Variants in AK2 observed in about 807,000 individuals in gnomAD.
AK2 encodes the protein adenylate kinase 2.
In AK2, 15 loss-of-function variants were observed where a neutral mutation model predicts 24.6. That is an observed-to-expected ratio of 0.61 (90% CI 0.41 to 0.94). The LOEUF (loss-of-function observed/expected upper bound fraction) is 0.94, where lower values mean the gene tolerates loss of function less well. AK2 is among the 40% of genes least tolerant of loss of function. AK2 has a pLI of 0.00. For missense variants in AK2, 257 were observed against 304.1 expected, an observed-to-expected ratio of 0.85 and a Z score of 1.15; for synonymous variants, 102 against 114.0, an observed-to-expected ratio of 0.90 and a Z score of 0.67.
intron 4 of AK2, among the ~76,000 whole-genome samples, chr1:33,018,426 A>C (rs1639328086): frequency 6.6e-6 from 1 of 152,114 alleles, no homozygotes; most frequent in African/African-American, 2.4e-5. Flanking sequence ...CAAAAACAAC[A>C]ACAATGACAA....
intron 1 of AK2, 46 bp from the exon 2 acceptor site, chr1:33,024,613 T>C: frequency 6.2e-7 from 1 of 1,613,212 alleles, no homozygotes; most frequent in Non-Finnish European, 8.5e-7. Context: ...CATTACAGGC[T>C]GTGGAGTCAG....
Position 33,013,273 on chromosome 1 carries a change from T to C in AK2, c.628A>G (p.Ile210Val), listed in dbSNP as rs779671947. 6.2e-6 allele frequency: 10 copies of C among 1,614,066 alleles called. No individual in the cohort carries two copies. The highest frequency in any genetic ancestry group is 1.3e-5 in the African/African-American group (1 of 74,926). Reference sequence around the variant, plus strand: ...ACATCGGGGGTCTGGGATGCATCGATGGCGGAGTGGATCCCCCGTTTCCTG... The same window carrying C: ...ACATCGGGGGTCTGGGATGCATCGACGGCGGAGTGGATCCCCCGTTTCCTG... ...YYRKRGIHSAIDASQTPDVVF... is the reference protein window; with the variant it reads ...YYRKRGIHSAVDASQTPDVVF... Residue 210 changes from isoleucine to valine, a missense_variant, in exon 6 of 6, where the codon ATC becomes GTC. By Grantham distance (29) the Ile-to-Val change is conservative. Transcript: ENST00000672715.
At chr1:33,015,992 G>T (rs1456504654) in intron 4 of AK2, among the ~76,000 whole-genome samples, 1 of 152,038 alleles carries the variant, frequency 6.6e-6, no homozygotes, top group Non-Finnish European at 1.5e-5. Context: ...CATATTTTGG[G>T]GGGACAAGAT....
At chr1:33,024,014 C>T (rs10914645) in intron 2 of AK2, 76,815 of 240,128 alleles carry the variant, frequency 0.32, 13,002 homozygotes, top group African/African-American at 0.43. Flanking sequence ...CTACTAAAAA[C>T]ATAAAAATTA....
At chr1:33,015,690 A>C (rs908292286) in intron 4 of AK2, among the ~76,000 whole-genome samples, 1 of 152,174 alleles carries the variant, frequency 6.6e-6, no homozygotes, top group Non-Finnish European at 1.5e-5. Context: ...CAGGAGTTCG[A>C]GACCAGCCTG....
At chr1:33,020,096 G>A in intron 4 of AK2, 1 of 1,535,212 alleles carries the variant, frequency 6.5e-7, no homozygotes, top group Non-Finnish European at 8.7e-7. Context: ...GACAACTGTA[G>A]GCTAAAGCAG....
intron 4 of AK2, among the ~76,000 whole-genome samples, chr1:33,014,834 TA>T (rs1489713350): frequency 1.3e-5 from 2 of 152,226 alleles, no homozygotes; most frequent in Non-Finnish European, 2.9e-5. Context: ...ACTGCTGGCA[TA>T]ACTACCTAAT....
intron 1 of AK2, 121 bp downstream of exon 1, chr1:33,036,615 G>C: frequency 2.2e-6 from 2 of 914,428 alleles, no homozygotes; most frequent in Non-Finnish European, 3.5e-6. Flanking sequence ...ACCCCGGCCA[G>C]CGTTCCCCGC....
At chr1:33,029,788 C>T (rs570409473) in intron 1 of AK2, among the ~76,000 whole-genome samples, 1 of 152,318 alleles carries the variant, frequency 6.6e-6, no homozygotes, top group East Asian at 1.9e-4. Flanking sequence ...AAGCAATCCT[C>T]CCACCACAGC....
At chr1:33,035,532 T>A (rs1640525154) in intron 1 of AK2, among the ~76,000 whole-genome samples, 1 of 152,176 alleles carries the variant, frequency 6.6e-6, no homozygotes, top group East Asian at 1.9e-4. Flanking sequence ...CAGACTTCCC[T>A]CTTTGAAGCC....
At chr1:33,021,295 T>C in intron 4 of AK2, 72 bp downstream of exon 4, 1 of 1,332,126 alleles carries the variant, frequency 7.5e-7, no homozygotes, top group Non-Finnish European at 1.1e-6. Context: ...TGGCCGGGAT[T>C]AGGCAAGAGC....
Position 33,011,925 on chromosome 1 carries a change from A to G in AK2, c.*1256T>C, listed in dbSNP as rs1451027837. 2 of 1,533,462 alleles carry G rather than the reference A, an allele frequency of 1.3e-6. No homozygotes were observed. The highest frequency in any genetic ancestry group is 1.2e-5 in the South Asian group (1 of 83,214). The allele number at this position is 1,533,462 out of a possible 1,614,324, so 95.0% of individuals were successfully genotyped here. On this transcript the variant is annotated 3_prime_UTR_variant, in exon 6 of 6. Transcript: ENST00000672715. ...GAAAGGAGAGGGTTTGGGCTTAAAA[A>G]GAACATATCTGATTTCAGTTTTATG...
Position 33,012,403 on chromosome 1 carries a change from G to A in AK2, c.*778C>T. On this transcript the variant is annotated 3_prime_UTR_variant, in exon 6 of 6. Coordinates refer to ENST00000672715, the MANE Select transcript of AK2 (RefSeq NM_001625.4). ...TGACTCACGTGGGTTTTCATCATGG[G>A]TTAGAAAACAAAATGGAATTCTCTG... The A allele has an allele frequency of 6.7e-7, 1 of 1,502,264 alleles. No homozygotes were observed. The highest frequency in any genetic ancestry group is 1.2e-5 in the South Asian group (1 of 82,830). The allele number at this position is 1,502,264 out of a possible 1,614,324, so 93.1% of individuals were successfully genotyped here.
At chr1:33,026,237 C>T (rs1474589680) in intron 1 of AK2, among the ~76,000 whole-genome samples, 1 of 152,096 alleles carries the variant, frequency 6.6e-6, no homozygotes, top group Non-Finnish European at 1.5e-5. Context: ...CTCACTCTAT[C>T]ACCCAGGCTG....
At chr1:33,019,645 CAT>C (rs778534372) in intron 4 of AK2, 41 of 999,554 alleles carry the variant, frequency 4.1e-5, no homozygotes, top group East Asian at 2.2e-4. Flanking sequence ...TGTCTATTCA[CAT>C]GTTTGTCTCT....
chr1:33,032,053 T>TA (rs1473101477), intron 1 of AK2: 1 of 185,424 alleles, frequency 5.4e-6, no homozygotes, highest in Non-Finnish European at 1.2e-5. Flanking sequence ...ATAAAGCACA[T>TA]AAAATACTGA....
Position 33,011,466 on chromosome 1 carries a change from GA to G in AK2, c.*1714del, listed in dbSNP as rs1424811971. ...CACTCACTTGGACCAGGCAAAGAGG[GA>G]AGCAAGGTGGCCAGGTACTCATGCC... is the stretch of plus-strand genomic sequence containing the variant. On this transcript the variant is annotated 3_prime_UTR_variant, in exon 6 of 6. Transcript: ENST00000672715. 7 of 1,287,292 alleles carry G rather than the reference GA, an allele frequency of 5.4e-6. No individual in the cohort carries two copies. Among genetic ancestry groups the G allele is most frequent in the Middle Eastern group, 6.5e-4 (2 of 3,086 alleles). 79.7% of individuals were successfully genotyped at this position (1,287,292 alleles called of 1,614,324 possible). A position where few individuals can be genotyped will look rare whatever the true frequency, so the allele number is the denominator to read the frequency against.
In AK2 at chr1:33,017,154, TA is replaced by T. The variant is rs551819390; in HGVS notation, c.426-2561del. Among the ~76,000 whole-genome samples, 65 of 152,354 alleles carry T rather than the reference TA, an allele frequency of 4.3e-4. 1 individual carries two copies. The East Asian group carries it at 0.012, about 28-fold the overall frequency. ...ATATACTGAATTTTAAAATTTGTAT[TA>T]TTTTTTCTTTTCTTCAGCTTTCCTG... On this transcript the variant is annotated intron_variant, in intron 4 of 5. Transcript: ENST00000672715.
rs1488787650 is a variant in AK2 at position 33,011,991 on chromosome 1, T to C, written c.*1190A>G. On this transcript the variant is annotated 3_prime_UTR_variant, in exon 6 of 6. Coordinates refer to ENST00000672715, the MANE Select transcript of AK2 (RefSeq NM_001625.4). ...GGGTTTGAATAAATACTGATCAAAA[T>C]GAATCCAAGAATAGATCACACACTG... 6 of 1,535,064 alleles carry C rather than the reference T, an allele frequency of 3.9e-6. No individual in the cohort carries two copies. The highest frequency in any genetic ancestry group is 5.2e-6 in the Non-Finnish European group (6 of 1,146,642).
Sources: allele counts gnomAD v4.1 joint callset (sites outside exome capture counted in the v4.1 genomes callset), GRCh38; gene constraint gnomAD v4.1.1; transcripts MANE v1.5; gene names NCBI Gene and HGNC (gene_info 2026-07-23, HGNC 2026-07-21).